COBL: variants seen among roughly 807,000 people sequenced by gnomAD.
COBL encodes protein cordon-bleu.
COBL carries 51 observed loss-of-function variants against 98.8 expected under a neutral mutation model. The ratio of observed to expected loss-of-function variants is 0.52; its 90% CI spans 0.41 to 0.65. The LOEUF is 0.65. Among genes scored for constraint, COBL ranks in the 30% least tolerant of loss-of-function variants. The pLI is 0.00. For synonymous variants in COBL, 634 were observed against 651.7 expected, an observed-to-expected ratio of 0.97 and a Z score of 0.41; for missense variants, 1,617 against 1,617.5, an observed-to-expected ratio of 1.00 and a Z score of 0.01.
At chr7:51,132,616 T>C (rs2129002705) in intron 6 of COBL, among the ~76,000 whole-genome samples, 1 of 152,210 alleles carries the variant, frequency 6.6e-6, no homozygotes, top group Admixed American at 6.5e-5. Context: ...AGACTTGGTG[T>C]GTTAGTCAGT....
intron 7 of COBL, among the ~76,000 whole-genome samples, chr7:51,061,729 G>T (rs1285231221): frequency 6.6e-6 from 1 of 152,088 alleles, no homozygotes; most frequent in Non-Finnish European, 1.5e-5. Flanking sequence ...GAACAAAAAG[G>T]CAGGGAAGGG....
In COBL at chr7:51,211,531, T is replaced by C. The variant is rs563630911; in HGVS notation, c.245+8210A>G. Among the ~76,000 whole-genome samples, 9 of 152,332 alleles carry C rather than the reference T, an allele frequency of 5.9e-5. No individual in the cohort carries two copies. The South Asian group carries it at 1.9e-3, about 32-fold the overall frequency. On this transcript the variant is annotated intron_variant, in intron 2 of 12. Coordinates refer to ENST00000265136, the MANE Select transcript of COBL (RefSeq NM_015198.5). Reference sequence around the variant, plus strand: ...TTGCTAAATAAATGAGTTAATTTGCTCCCACCTTTTCTATTTTGGATTCTA... The same window carrying C: ...TTGCTAAATAAATGAGTTAATTTGCCCCCACCTTTTCTATTTTGGATTCTA...
intron 6 of COBL, among the ~76,000 whole-genome samples, chr7:51,098,472 T>C (rs1795513691): frequency 6.6e-6 from 1 of 152,092 alleles, no homozygotes; most frequent in Admixed American, 6.5e-5. Context: ...TTCATGTATA[T>C]AATCTAATGA....
intron 2 of COBL, among the ~76,000 whole-genome samples, chr7:51,199,314 G>A (rs1236877143): frequency 1.3e-5 from 2 of 152,162 alleles, no homozygotes; most frequent in Admixed American, 1.3e-4. Flanking sequence ...TCAGTCTGGT[G>A]AGCTAGGAGT....
chr7:51,189,359 C>A lies in COBL; in HGVS notation c.685+1491G>T, dbSNP rs1396288545. Among the ~76,000 whole-genome samples the A allele has an allele frequency of 4.6e-5, 7 of 152,212 alleles. No homozygotes were observed. The East Asian group carries it at 1.4e-3, about 29-fold the overall frequency. On this transcript the variant is annotated intron_variant, in intron 4 of 12. Coordinates refer to ENST00000265136, the MANE Select transcript of COBL (RefSeq NM_015198.5). ...GGTATTAAGAAAAAATATGGCCAGG[C>A]GCAGTGGCTCAGGCCTGTAATCCCA...
At chr7:51,026,404 G>T in intron 11 of COBL, 142 bp downstream of exon 11, 3 of 1,146,166 alleles carry the variant, frequency 2.6e-6, no homozygotes, top group East Asian at 2.6e-5. Context: ...TCTCACACAG[G>T]CTGGGATGGC....
Position 51,237,287 on chromosome 7 carries a change from G to GA in COBL, c.42-17344dup, listed in dbSNP as rs899271946. The stretch of plus-strand genomic sequence containing the variant: ...TTTTCATCTTAATTCTAGCCTATTA[G>GA]AAAAAAAACAAAGATTTTAAGCAAA... On this transcript the variant is annotated intron_variant, in intron 1 of 12. Coordinates refer to ENST00000265136, the MANE Select transcript of COBL (RefSeq NM_015198.5). 6.0e-5 allele frequency among the ~76,000 whole-genome samples: 9 copies of GA among 149,678 alleles called. 1 individual carries two copies. Among genetic ancestry groups the GA allele is most frequent in the East Asian group, 2.0e-4 (1 of 4,908 alleles).
At chr7:51,147,024 G>A (rs1380011965) in intron 5 of COBL, among the ~76,000 whole-genome samples, 1 of 152,172 alleles carries the variant, frequency 6.6e-6, no homozygotes, top group African/African-American at 2.4e-5. Flanking sequence ...GAAGTGTTCT[G>A]CAGGCCAGGG....
rs142937466 is a variant in COBL at position 51,078,978 on chromosome 7, T to G, written c.1096+6188A>C. On this transcript the variant is annotated intron_variant, in intron 7 of 12. Transcript: ENST00000265136. ...GCCCAAGATGGAGACCACAGTCCTT[T>G]TCAACCCTAATCTTGGATGTAAGAA... Among the ~76,000 whole-genome samples the G allele has an allele frequency of 1.3e-4, 20 of 152,344 alleles. No homozygotes were observed. The East Asian group carries it at 3.9e-3, about 29-fold the overall frequency.
intron 12 of COBL, chr7:51,018,265 GTGGTGA>G (rs58597430): frequency 0.44 from 66,251 of 150,502 alleles, 17,000 homozygotes; most frequent in Non-Finnish European, 0.6. Context: ...GGTGGTGGTG[GTGGTGA>G]TGGTGATGGT....
intron 2 of COBL, among the ~76,000 whole-genome samples, chr7:51,205,497 T>C (rs1791582629): frequency 6.6e-6 from 1 of 150,954 alleles, no homozygotes; most frequent in Non-Finnish European, 1.5e-5. Context: ...TATCTCACTC[T>C]ATACAGAAAA....
intron 8 of COBL, among the ~76,000 whole-genome samples, chr7:51,041,465 C>T (rs1458223341): frequency 6.9e-6 from 1 of 145,778 alleles, no homozygotes; most frequent in Admixed American, 6.9e-5. Flanking sequence ...AATCAGTTTA[C>T]CTTATTTCTT....
intron 7 of COBL, among the ~76,000 whole-genome samples, chr7:51,078,203 T>C (rs911675163): frequency 1.3e-5 from 2 of 152,224 alleles, no homozygotes; most frequent in Non-Finnish European, 2.9e-5. Context: ...GTCAGTGTAT[T>C]ACTCAATTGT....
intron 6 of COBL, among the ~76,000 whole-genome samples, chr7:51,126,634 T>G (rs1184523369): frequency 6.6e-6 from 1 of 152,074 alleles, no homozygotes; most frequent in African/African-American, 2.4e-5. Flanking sequence ...CTCCTCTCAT[T>G]CACAGTCCAT....
intron 6 of COBL, among the ~76,000 whole-genome samples, chr7:51,128,926 C>T (rs531129371): frequency 6.6e-6 from 1 of 152,228 alleles, no homozygotes; most frequent in Admixed American, 6.5e-5. Flanking sequence ...CCCGACCTCG[C>T]ACTGAGGGAA....
intron 8 of COBL, among the ~76,000 whole-genome samples, chr7:51,039,596 C>T (rs1313321750): frequency 6.6e-6 from 1 of 152,254 alleles, no homozygotes; most frequent in Non-Finnish European, 1.5e-5. Context: ...ACGTTCCCAA[C>T]CTTATGTGTG....
At chr7:51,158,031 C>T (rs1786366395) in intron 5 of COBL, among the ~76,000 whole-genome samples, 2 of 152,130 alleles carry the variant, frequency 1.3e-5, no homozygotes, top group African/African-American at 2.4e-5. Context: ...GTTGCTGCCC[C>T]TGGGGAAGGA....
chr7:51,079,524 T>C (rs563813969), intron 7 of COBL, among the ~76,000 whole-genome samples: 32 of 152,338 alleles, frequency 2.1e-4, no homozygotes, highest in African/African-American at 7.5e-4. Context: ...CAAGTATTAA[T>C]AGCTTAAACT....
intron 1 of COBL, among the ~76,000 whole-genome samples, chr7:51,281,874 T>A (rs1053880172): frequency 1.3e-5 from 2 of 152,146 alleles, no homozygotes; most frequent in African/African-American, 4.8e-5. Context: ...GGCCAATACA[T>A]GATTCTTCTT....
Sources: gnomAD v4.1 joint callset for allele counts (sites outside exome capture counted in the v4.1 genomes callset) on GRCh38, gnomAD v4.1.1 for gene constraint, MANE v1.5 for transcripts, NCBI Gene and HGNC (gene_info 2026-07-23, HGNC 2026-07-21) for gene names.